The following RBFOX1 variants were observed in gnomAD, a reference collection of about 807,000 sequenced individuals.
RBFOX1 encodes the protein RNA binding protein fox-1 homolog 1.
A neutral mutation model predicts 57.7 loss-of-function variants in RBFOX1; 8 were observed. That is an observed-to-expected ratio of 0.14 (90% CI 0.08 to 0.25). The LOEUF (loss-of-function observed/expected upper bound fraction) is 0.25, where lower values mean the gene tolerates loss of function less well. RBFOX1 is among the 10% of genes least tolerant of loss of function. The probability of loss-of-function intolerance (pLI) is 1.00; values close to 1 mark genes in which losing one functional copy is unlikely to be tolerated. For missense variants in RBFOX1, 611 were observed against 548.5 expected, an observed-to-expected ratio of 1.11 and a Z score of -1.14; for synonymous variants, 326 against 222.4, an observed-to-expected ratio of 1.47 and a Z score of -4.15.
rs139934156 is a variant in RBFOX1, at chr16:5,864,845, C to G, written c.319-2458C>G. Among the ~76,000 whole-genome samples the G allele has an allele frequency of 8.3e-3, 1,265 of 152,296 alleles. 11 individuals are homozygous for G. The highest frequency in any genetic ancestry group is 0.029 in the African/African-American group (1,189 of 41,556). On this transcript the variant is annotated intron_variant, in intron 3 of 19. Transcript: ENST00000641259. ...TAGTGGGCAATCATTAGTTACCCCA[C>G]AGGCCCTGCCACTCCCTACTGTCTC... is the stretch of plus-strand genomic sequence containing the variant.
chr16:6,590,539 T>A lies in RBFOX1; in HGVS notation c.-63-64064T>A, dbSNP rs555506049. ...GGGAGTAAATTCAATGAGAGCCCCC[T>A]GCGACTAGTTTGTAACTCATTTAGT... On this transcript the variant is annotated intron_variant, in intron 2 of 15. Transcript: ENST00000550418. Among the ~76,000 whole-genome samples, 144 of 152,326 alleles carry A rather than the reference T, an allele frequency of 9.5e-4. 3 individuals carry two copies. In the Middle Eastern group the frequency reaches 0.01, roughly 11 times the overall value.
chr16:7,552,749 C>G (rs1257077037), intron 5 of RBFOX1, among the ~76,000 whole-genome samples: 1 of 152,150 alleles, frequency 6.6e-6, no homozygotes, highest in East Asian at 1.9e-4. Context: ...ATGGCGTGAT[C>G]TCAGCTCACT....
In RBFOX1 at chr16:6,911,252, T is replaced by C. The variant is rs115647737; in HGVS notation, c.-15-140805T>C. 2.6e-3 allele frequency among the ~76,000 whole-genome samples: 390 copies of C among 150,776 alleles called. 2 individuals carry two copies. The highest frequency in any genetic ancestry group is 9.0e-3 in the African/African-American group (371 of 41,046). ...AAGACTTGAACCTTGGGTAGTGCGT[T>C]AGTTTCCCAGGACTGCTATAACAAA... On this transcript the variant is annotated intron_variant, in intron 3 of 15. Coordinates refer to ENST00000550418, the MANE Select transcript of RBFOX1 (RefSeq NM_018723.4).
At chr16:6,271,632 T>C (rs1221421725) in intron 1 of RBFOX1, among the ~76,000 whole-genome samples, 2 of 152,282 alleles carry the variant, frequency 1.3e-5, no homozygotes, top group Admixed American at 1.3e-4. Context: ...CTACAGACTT[T>C]GCAGATGTCA....
At chr16:6,329,570 C>T (rs898783684) in intron 2 of RBFOX1, among the ~76,000 whole-genome samples, 1 of 152,146 alleles carries the variant, frequency 6.6e-6, no homozygotes, top group Non-Finnish European at 1.5e-5. Context: ...AGGAGGTGGC[C>T]TTGAGGATTC....
In RBFOX1 at chr16:7,420,651, T is replaced by C. The variant is rs529047072; in HGVS notation, c.28-97496T>C. ...ACTTAGTGAAATTTGTTTTTCATGC[T>C]GCCAGGTTGAATGTTGTCTACTCTT... is the stretch of plus-strand genomic sequence containing the variant. On this transcript the variant is annotated intron_variant, in intron 4 of 15. Coordinates refer to ENST00000550418, the MANE Select transcript of RBFOX1 (RefSeq NM_018723.4). Among the ~76,000 whole-genome samples, 3 of 152,070 alleles carry C rather than the reference T, an allele frequency of 2.0e-5. No homozygotes were observed. In the South Asian group the frequency reaches 6.2e-4, roughly 32 times the overall value.
chr16:5,545,294 A>G (rs1296813831), intron 2 of RBFOX1, among the ~76,000 whole-genome samples: 1 of 65,662 alleles, frequency 1.5e-5, no homozygotes, highest in Non-Finnish European at 3.4e-5. Context: ...AATTCTAACA[A>G]ATATTAAAGA....
chr16:6,226,979 C>T (rs2097423034), intron 1 of RBFOX1, among the ~76,000 whole-genome samples: 2 of 149,990 alleles, frequency 1.3e-5, no homozygotes, highest in Admixed American at 6.6e-5. Context: ...CAAAAATTAG[C>T]TGGGTGTGGT....
intron 4 of RBFOX1, among the ~76,000 whole-genome samples, chr16:7,323,716 T>A (rs777000597): frequency 6.6e-6 from 1 of 152,314 alleles, no homozygotes; most frequent in Admixed American, 6.5e-5. Flanking sequence ...ACAGATACAA[T>A]GAAATGAGTA....
intron 4 of RBFOX1, among the ~76,000 whole-genome samples, chr16:5,894,974 G>T (rs1431208888): frequency 6.6e-6 from 1 of 152,156 alleles, no homozygotes; most frequent in Non-Finnish European, 1.5e-5. Flanking sequence ...AGTAGGCAGA[G>T]ATCGTGCCAC....
intron 1 of RBFOX1, among the ~76,000 whole-genome samples, chr16:5,450,270 C>G (rs74004314): frequency 0.07 from 10,591 of 152,186 alleles, 500 homozygotes; most frequent in African/African-American, 0.13. Context: ...AATGAGGTAA[C>G]AAGGGGGCAA....
intron 3 of RBFOX1, among the ~76,000 whole-genome samples, chr16:6,768,739 T>A (rs913601567): frequency 6.8e-6 from 1 of 147,096 alleles, no homozygotes; most frequent in African/African-American, 2.6e-5. Context: ...ATATTATTTT[T>A]CTTTTTTTTT....
chr16:5,986,165 G>C (rs879292534), intron 4 of RBFOX1, among the ~76,000 whole-genome samples: 2 of 151,548 alleles, frequency 1.3e-5, no homozygotes, highest in Non-Finnish European at 2.9e-5. Context: ...CCAGGTTCAA[G>C]CCATTCTCCT....
At chr16:7,657,425 C>T (rs1236880239) in intron 12 of RBFOX1, among the ~76,000 whole-genome samples, 1 of 152,190 alleles carries the variant, frequency 6.6e-6, no homozygotes, top group Non-Finnish European at 1.5e-5. Context: ...CCACCTCAGC[C>T]TCCTAAGTAG....
intron 5 of RBFOX1, among the ~76,000 whole-genome samples, chr16:7,544,863 C>G (rs2083981234): frequency 6.6e-6 from 1 of 151,918 alleles, no homozygotes; most frequent in African/African-American, 2.4e-5. Flanking sequence ...GTTTGCTTAC[C>G]AATTCTGGAC....
chr16:7,027,701 T>A (rs2041394465), intron 3 of RBFOX1, among the ~76,000 whole-genome samples: 3 of 152,208 alleles, frequency 2.0e-5, no homozygotes, highest in Non-Finnish European at 4.4e-5. Flanking sequence ...AGAGGAATAG[T>A]CAGTTTGTTT....
intron 1 of RBFOX1, among the ~76,000 whole-genome samples, chr16:6,145,441 G>C (rs949505287): frequency 6.6e-6 from 1 of 152,058 alleles, no homozygotes; most frequent in Non-Finnish European, 1.5e-5. Flanking sequence ...TGTCATTGAT[G>C]GGCATTTAGG....
intron 2 of RBFOX1, among the ~76,000 whole-genome samples, chr16:6,623,619 G>A (rs571182805): frequency 1.3e-5 from 2 of 150,470 alleles, no homozygotes; most frequent in Non-Finnish European, 3.0e-5. Flanking sequence ...AACAGGCCCC[G>A]GTGTCTAATG....
At chr16:6,077,520 C>G (rs2095922727) in intron 1 of RBFOX1, among the ~76,000 whole-genome samples, 1 of 152,034 alleles carries the variant, frequency 6.6e-6, no homozygotes, top group African/African-American at 2.4e-5. Flanking sequence ...TTGTGTCGTG[C>G]TCTCTAGCCT....
Sources: allele counts gnomAD v4.1 joint callset (sites outside exome capture counted in the v4.1 genomes callset), GRCh38; gene constraint gnomAD v4.1.1; transcripts MANE v1.5; gene names NCBI Gene and HGNC (gene_info 2026-07-23, HGNC 2026-07-21).